DNAH8: variants seen among roughly 807,000 people sequenced by gnomAD.
The protein encoded by DNAH8 is dynein axonemal heavy chain 8, also known as axonemal beta dynein heavy chain 8.
DNAH8 carries 382 observed loss-of-function variants against 562.1 expected under a neutral mutation model. The observed-to-expected ratio is 0.68, with a 90% confidence interval of 0.63 to 0.74. The LOEUF (loss-of-function observed/expected upper bound fraction) is 0.74, where lower values mean the gene tolerates loss of function less well. DNAH8 is among the 30% of genes least tolerant of loss of function. The probability of loss-of-function intolerance (pLI) is 0.00; values close to 1 mark genes in which losing one functional copy is unlikely to be tolerated. For missense variants in DNAH8, 5,203 were observed against 5,620.4 expected, an observed-to-expected ratio of 0.93 and a Z score of 2.37; for synonymous variants, 1,881 against 1,919.4, an observed-to-expected ratio of 0.98 and a Z score of 0.52.
intron 92 of DNAH8, among the ~76,000 whole-genome samples, chr6:39,026,972 G>A (rs1767335153): frequency 6.6e-6 from 1 of 152,192 alleles, no homozygotes; most frequent in Non-Finnish European, 1.5e-5. Flanking sequence ...TATAATCCTA[G>A]CACTTTGGGA....
At position 38,883,227 on chromosome 6, in the gene DNAH8, G is replaced by A. The variant is rs980052739; in HGVS notation, c.8002-95G>A. 2.9e-6 allele frequency: 4 copies of A among 1,395,722 alleles called. No individual in the cohort carries two copies. The Admixed American group carries it at 7.6e-5, about 26-fold the overall frequency. The allele number at this position is 1,395,722 out of a possible 1,614,324, so 86.5% of individuals were successfully genotyped here. A position where few individuals can be genotyped will look rare whatever the true frequency, so the allele number is the denominator to read the frequency against. ...TCTAAAAAGTTATTAAAAATTAGTT[G>A]TATTAATTTATAGAAGACTAGCCCA... On this transcript the variant is annotated intron_variant, in intron 54 of 92. Coordinates refer to ENST00000327475, the MANE Select transcript of DNAH8 (RefSeq NM_001206927.2).
intron 30 of DNAH8, among the ~76,000 whole-genome samples, chr6:38,830,566 C>T (rs561746983): frequency 2.9e-5 from 4 of 138,862 alleles, no homozygotes; most frequent in South Asian, 2.3e-4. Context: ...ACCCAGGAGG[C>T]GGAGTTTCCA....
chr6:38,945,083 G>A (rs1783757577), intron 79 of DNAH8, among the ~76,000 whole-genome samples: 1 of 152,048 alleles, frequency 6.6e-6, no homozygotes, highest in African/African-American at 2.4e-5. Context: ...TTAATGGCAA[G>A]CTTCTGGAGG....
In DNAH8 at chr6:38,865,611, T is replaced by C. The variant is rs544521642; in HGVS notation, c.6499-980T>C. 1.5e-4 allele frequency among the ~76,000 whole-genome samples: 23 copies of C among 152,354 alleles called. No individual in the cohort carries two copies. In the South Asian group the frequency reaches 4.6e-3, roughly 30 times the overall value. On this transcript the variant is annotated intron_variant, in intron 45 of 92. Transcript: ENST00000327475. ...AGCATCTCTATTGTGTTGCAGCCAA[T>C]TGACTGAGTCAACTCTCTTCAAAAA...
In DNAH8 at chr6:38,857,592, G is replaced by A. The variant is rs867862598; in HGVS notation, c.5808G>A (p.Arg1936=). ...EEALRNAKDD[R]KIMQVTNQKF... is the part of the protein sequence containing the mutation. ...CTTTACGTAATGCAAAAGATGACAG[G>A]AAAATCATGCAAGTGACCAATCAGA... Residue 1936 remains arginine (R), a synonymous_variant, in exon 42 of 93, where the codon AGG becomes AGA. Transcript: ENST00000327475. The A allele has an allele frequency of 7.4e-6, 12 of 1,613,870 alleles. No homozygotes were observed. The Middle Eastern group carries it at 1.8e-3, about 244-fold the overall frequency.
At chr6:38,779,913 C>G in intron 14 of DNAH8, 53 bp from the exon 15 acceptor site, 1 of 1,491,744 alleles carries the variant, frequency 6.7e-7, no homozygotes, top group East Asian at 2.3e-5. Context: ...GACAGCAAGT[C>G]TTAAGTATAT....
intron 85 of DNAH8, among the ~76,000 whole-genome samples, chr6:38,981,318 A>G (rs1332014): frequency 0.89 from 135,435 of 152,170 alleles, 60,417 homozygotes; most frequent in African/African-American, 0.95. Flanking sequence ...TGGATCATCA[A>G]TTCTTGGAGC....
intron 58 of DNAH8, among the ~76,000 whole-genome samples, chr6:38,894,034 T>C (rs1338315307): frequency 6.6e-6 from 1 of 152,186 alleles, no homozygotes; most frequent in African/African-American, 2.4e-5. Flanking sequence ...AATAGTAAAT[T>C]AGCATATAAT....
rs1184689745 is a variant in DNAH8 at position 38,903,609 on chromosome 6, TTCC to T, written c.9195-2643_9195-2641del. ...ACAATGTTTTCTTTTTCTTTCTTTCTTCCTTTTTTTTTTTTTTTTTTGAGAAGG... is the reference window on the plus strand; with the variant it reads ...ACAATGTTTTCTTTTTCTTTCTTTCTTTTTTTTTTTTTTTTTTTGAGAAGG... On this transcript the variant is annotated intron_variant, in intron 62 of 92. Transcript: ENST00000327475. 3.9e-4 allele frequency among the ~76,000 whole-genome samples: 41 copies of T among 106,234 alleles called. 1 individual carries two copies. Among genetic ancestry groups the T allele is most frequent in the Non-Finnish European group, 6.3e-4 (38 of 59,936 alleles). 69.7% of individuals were successfully genotyped at this position (106,234 alleles called of 152,430 possible). A position where few individuals can be genotyped will look rare whatever the true frequency, so the allele number is the denominator to read the frequency against.
intron 1 of DNAH8, among the ~76,000 whole-genome samples, chr6:38,719,580 T>G (rs961498368): frequency 3.9e-5 from 6 of 152,180 alleles, no homozygotes; most frequent in Non-Finnish European, 8.8e-5. Context: ...TATGGCTGCA[T>G]AGTATTCCAT....
At chr6:38,819,685 G>A (rs1772638330) in intron 26 of DNAH8, among the ~76,000 whole-genome samples, 1 of 152,094 alleles carries the variant, frequency 6.6e-6, no homozygotes, top group South Asian at 2.1e-4. Context: ...AAGAATTGGA[G>A]AGGAAGACTG....
intron 11 of DNAH8, among the ~76,000 whole-genome samples, chr6:38,766,982 T>C (rs953962970): frequency 3.9e-5 from 6 of 152,184 alleles, no homozygotes; most frequent in Admixed American, 3.9e-4. Flanking sequence ...TTTTGTATAA[T>C]TAAAAATTTT....
intron 8 of DNAH8, among the ~76,000 whole-genome samples, chr6:38,748,914 A>G (rs192241750): frequency 7.9e-5 from 12 of 152,170 alleles, no homozygotes; most frequent in African/African-American, 2.9e-4. Context: ...TTACTGATGC[A>G]AGTCAACTTG....
In DNAH8 at chr6:38,883,989, G is replaced by T; in HGVS notation, c.8250G>T (p.Trp2750Cys). ...DDINMPVINE[W>C]GDQITNEIVR... ...TTAATATGCCTGTGATTAATGAGTG[G>T]GGAGATCAGGTATGGCTGAAATATC... The change falls in exon 56 of 93, where the codon TGG becomes TGT. Residue 2750 changes from tryptophan (W) to cysteine (C), a missense_variant. Physicochemically the swap from Trp to Cys is radical, Grantham distance 215 (BLOSUM62 -2). Around this residue, in one of 6 missense-constraint regions of DNAH8, gnomAD observed 977 missense variants for 1,061.8 expected, o/e 0.92. Coordinates refer to ENST00000327475, the MANE Select transcript of DNAH8 (RefSeq NM_001206927.2). 1 of 1,555,882 alleles carries T rather than the reference G, an allele frequency of 6.4e-7. No homozygotes were observed. Among genetic ancestry groups the T allele is most frequent in the Non-Finnish European group, 8.7e-7 (1 of 1,148,550 alleles).
rs773969897 is a variant in DNAH8, at chr6:38,908,088, A to G, written c.9481A>G (p.Lys3161Glu). 1 of 1,597,172 alleles carries G rather than the reference A, an allele frequency of 6.3e-7. No individual in the cohort carries two copies. The highest frequency in any genetic ancestry group is 8.5e-7 in the Non-Finnish European group (1 of 1,173,170). ...TGAATACTTCATTTCAAGATCAAGGAAGAACTTACATGTTGTTCTCTGCTT... is the reference window on the plus strand; with the variant it reads ...TGAATACTTCATTTCAAGATCAAGGGAGAACTTACATGTTGTTCTCTGCTT... The part of the protein sequence containing the change: ...LYEYFISRSR[K>E]NLHVVLCFSP... The change falls in exon 64 of 93, where the codon AAG (lysine) becomes GAG (glutamate). Residue 3161 changes from lysine (K) to glutamate (E), a missense_variant. Coordinates refer to ENST00000327475, the MANE Select transcript of DNAH8 (RefSeq NM_001206927.2).
intron 81 of DNAH8, among the ~76,000 whole-genome samples, chr6:38,950,207 T>TGC (rs1237032372): frequency 6.6e-6 from 1 of 151,236 alleles, no homozygotes; most frequent in Non-Finnish European, 1.5e-5. Context: ...TGTGTGTGTG[T>TGC]GTGTGTGTGT....
At chr6:38,759,527 G>C (rs1335287141) in intron 10 of DNAH8, among the ~76,000 whole-genome samples, 2 of 151,994 alleles carry the variant, frequency 1.3e-5, no homozygotes, top group Non-Finnish European at 2.9e-5. Flanking sequence ...TCTCATTCTT[G>C]CCATATATGT....
At chr6:38,769,642 G>A (rs72849158) in intron 11 of DNAH8, among the ~76,000 whole-genome samples, 18,534 of 152,176 alleles carry the variant, frequency 0.12, 1,387 homozygotes, top group Admixed American at 0.22. Flanking sequence ...CTATCCATAG[G>A]TTATGTTACA....
At chr6:38,978,288 C>G (rs1763804420) in intron 85 of DNAH8, among the ~76,000 whole-genome samples, 2 of 152,144 alleles carry the variant, frequency 1.3e-5, no homozygotes, top group Admixed American at 6.5e-5. Context: ...AAAAGGGGCC[C>G]TATCAATAGG....
Sources: gnomAD v4.1 joint callset for allele counts (sites outside exome capture counted in the v4.1 genomes callset) on GRCh38, gnomAD v4.1.1 for gene constraint, gnomAD v4.1.1 regional missense constraint, MANE v1.5 for transcripts, NCBI Gene and HGNC (gene_info 2026-07-23, HGNC 2026-07-21) for gene names.